The following NFYC variants were observed in gnomAD, a reference collection of about 807,000 sequenced individuals.
NFYC encodes nuclear transcription factor Y subunit gamma, also known as CAAT box DNA-binding protein subunit C.
NFYC carries 25 observed loss-of-function variants against 53.1 expected under a neutral mutation model. The observed-to-expected ratio is 0.47, with a 90% CI of 0.34 to 0.66. NFYC has a LOEUF of 0.66. Ranked by LOEUF, NFYC falls within the 30% of genes least tolerant of loss-of-function variation. The probability of loss-of-function intolerance (pLI) is 0.01; values close to 1 mark genes in which losing one functional copy is unlikely to be tolerated. For missense variants in NFYC, 260 were observed against 422.7 expected, an observed-to-expected ratio of 0.62 and a Z score of 3.38; for synonymous variants, 145 against 152.6, an observed-to-expected ratio of 0.95 and a Z score of 0.37.
chr1:40,712,567 T>G (rs1476613135), intron 1 of NFYC: 2 of 145,044 alleles, frequency 1.4e-5, no homozygotes, highest in Non-Finnish European at 3.0e-5. Flanking sequence ...TTTTTTTTTT[T>G]GTTTGCTTTG....
At chr1:40,702,889 T>C (rs538451501) in intron 1 of NFYC, among the ~76,000 whole-genome samples, 39 of 152,186 alleles carry the variant, frequency 2.6e-4, no homozygotes, top group African/African-American at 9.2e-4. Flanking sequence ...TGATCTCGGC[T>C]CACTGCATCC....
chr1:40,731,974 G>A (rs1644796490), intron 1 of NFYC, among the ~76,000 whole-genome samples: 1 of 152,142 alleles, frequency 6.6e-6, no homozygotes, highest in South Asian at 2.1e-4. Flanking sequence ...TTATATGTTT[G>A]GCTTAAGTTG....
intron 1 of NFYC, among the ~76,000 whole-genome samples, chr1:40,718,938 C>G (rs1377063995): frequency 1.3e-5 from 2 of 152,190 alleles, no homozygotes; most frequent in Non-Finnish European, 2.9e-5. Flanking sequence ...GTGGCACGAT[C>G]TTGGCTCACT....
intron 5 of NFYC, 152 bp from the exon 6 acceptor site, chr1:40,757,969 T>C: frequency 2.5e-6 from 2 of 786,080 alleles, no homozygotes; most frequent in Non-Finnish European, 4.1e-6. Context: ...ACTGGTCTCT[T>C]TGAATTCCAC....
rs184700591 is a variant in NFYC at position 40,738,970 on chromosome 1, T to G, written c.105+22T>G. On this transcript the variant is annotated intron_variant, in intron 2 of 9. Coordinates refer to ENST00000447388, the MANE Select transcript of NFYC (RefSeq NM_014223.5). Reference sequence around the variant, plus strand: ...AGTGGTGAGGAAGAATGAGAAACTTTTATTAGAAACTTTTAAAGAGTATAA... The same window carrying G: ...AGTGGTGAGGAAGAATGAGAAACTTGTATTAGAAACTTTTAAAGAGTATAA... 7 of 1,545,352 alleles carry G rather than the reference T, an allele frequency of 4.5e-6. No homozygotes were observed. In the East Asian group the frequency reaches 1.1e-4, roughly 25 times the overall value.
Position 40,770,684 on chromosome 1 carries a change from ACTCT to A in NFYC, c.889-21_889-18del, listed in dbSNP as rs1331293828. 2 of 1,612,950 alleles carry A rather than the reference ACTCT, an allele frequency of 1.2e-6. No homozygotes were observed. Reference sequence around the variant, plus strand: ...ATGCCCCTCTCCCAGGGATGACCTCACTCTCTCCTCTCCACCCCTCGCAGCAGCT... The same window carrying A: ...ATGCCCCTCTCCCAGGGATGACCTCACTCCTCTCCACCCCTCGCAGCAGCT... On this transcript the variant is annotated intron_variant, in intron 9 of 9. Coordinates refer to ENST00000447388, the MANE Select transcript of NFYC (RefSeq NM_014223.5). This position sits in a 1 kb window ranked among gnomAD's most constrained non-coding sequence, Gnocchi z 5.3.
chr1:40,770,659 A>T lies in NFYC; in HGVS notation c.889-50A>T, dbSNP rs199650560. On this transcript the variant is annotated intron_variant, in intron 9 of 9. Transcript: ENST00000447388. This position sits in a 1 kb window ranked among gnomAD's most constrained non-coding sequence, Gnocchi z 5.3. Reference sequence around the variant, plus strand: ...CAGCTCGAGACCCATAGGGAGCTGCATGCCCCTCTCCCAGGGATGACCTCA... The same window carrying T: ...CAGCTCGAGACCCATAGGGAGCTGCTTGCCCCTCTCCCAGGGATGACCTCA... 1.2e-6 allele frequency: 2 copies of T among 1,614,016 alleles called. No homozygotes were observed. Among genetic ancestry groups the T allele is most frequent in the South Asian group, 2.2e-5 (2 of 91,062 alleles).
At chr1:40,754,862 T>C (rs554240683) in intron 5 of NFYC, among the ~76,000 whole-genome samples, 1 of 152,316 alleles carries the variant, frequency 6.6e-6, no homozygotes, top group South Asian at 2.1e-4. Flanking sequence ...AATGCTATGA[T>C]CCATCTGATT....
chr1:40,713,166 T>C (rs1643998166), intron 1 of NFYC, among the ~76,000 whole-genome samples: 1 of 152,248 alleles, frequency 6.6e-6, no homozygotes, highest in Admixed American at 6.5e-5. Context: ...GCATGCCCAG[T>C]GTCATCTATT....
intron 2 of NFYC, among the ~76,000 whole-genome samples, chr1:40,744,102 T>G (rs1645488260): frequency 6.6e-6 from 1 of 152,136 alleles, no homozygotes; most frequent in Non-Finnish European, 1.5e-5. Flanking sequence ...GAGCAGCCAG[T>G]AAGCAAGCAT....
rs190832207 is a variant in NFYC, at chr1:40,703,232, A to T, written c.-9+11365A>T. ...GGGCTGGGTGCAGTGGCTCACACATACAATCCCAGCATCTTGGGAGGTTGA... is the reference window on the plus strand; with the variant it reads ...GGGCTGGGTGCAGTGGCTCACACATTCAATCCCAGCATCTTGGGAGGTTGA... On this transcript the variant is annotated intron_variant, in intron 1 of 9. Coordinates refer to ENST00000447388, the MANE Select transcript of NFYC (RefSeq NM_014223.5). Among the ~76,000 whole-genome samples the T allele has an allele frequency of 7.2e-5, 11 of 152,118 alleles. No individual in the cohort carries two copies. The East Asian group carries it at 1.9e-3, about 27-fold the overall frequency.
At chr1:40,691,988 G>A in intron 1 of NFYC, 121 bp downstream of exon 1, 1 of 297,134 alleles carries the variant, frequency 3.4e-6, no homozygotes, top group South Asian at 2.4e-5. Flanking sequence ...GCTGTAGCTC[G>A]GTCCGTCCTG....
Position 40,749,676 on chromosome 1 carries a change from G to A in NFYC, c.281G>A (p.Arg94Gln), listed in dbSNP as rs1287759241. 1.2e-6 allele frequency: 2 copies of A among 1,613,758 alleles called. No individual in the cohort carries two copies. Among genetic ancestry groups the A allele is most frequent in the South Asian group, 1.1e-5 (1 of 91,086 alleles). Residue 94 changes from arginine to glutamine, a missense_variant, in exon 4 of 10, where the codon CGG (arginine) becomes CAG (glutamine). Transcript: ENST00000447388. ...ATTCACACAGAAGATAACAAGCGCC[G>A]GACTCTACAGGTATTATTGCAGACT... is the stretch of plus-strand genomic sequence containing the variant. ...AWIHTEDNKR[R>Q]TLQRNDIAMA... is the part of the protein sequence containing the mutation.
intron 9 of NFYC, among the ~76,000 whole-genome samples, chr1:40,769,617 TA>T (rs1363290264): frequency 1.3e-5 from 2 of 152,210 alleles, no homozygotes; most frequent in Non-Finnish European, 2.9e-5. Context: ...AAAATAATCT[TA>T]GACATGTAGC....
intron 8 of NFYC, chr1:40,768,954 C>G (rs1362251162): frequency 6.0e-6 from 1 of 167,344 alleles, no homozygotes; most frequent in African/African-American, 2.4e-5. Context: ...AGGCCACTTA[C>G]CACTTTGTCT....
intron 1 of NFYC, among the ~76,000 whole-genome samples, chr1:40,730,908 A>G (rs1644739762): frequency 6.6e-6 from 1 of 152,216 alleles, no homozygotes; most frequent in Non-Finnish European, 1.5e-5. Flanking sequence ...TGAAGAAAAA[A>G]GAAACCAGTT....
intron 1 of NFYC, among the ~76,000 whole-genome samples, chr1:40,705,255 C>T (rs1283425597): frequency 1.7e-4 from 26 of 152,182 alleles, no homozygotes; most frequent in Non-Finnish European, 1.5e-5. Context: ...TAGTAATCAG[C>T]GAGGTTGTGA....
intron 6 of NFYC, among the ~76,000 whole-genome samples, chr1:40,762,509 CT>C (rs1454474288): frequency 6.6e-6 from 1 of 152,208 alleles, no homozygotes; most frequent in African/African-American, 2.4e-5. Flanking sequence ...CCAAATTCAC[CT>C]GCCCCAGACT....
chr1:40,758,069 G>A (rs1158990023), intron 5 of NFYC, 52 bp from the exon 6 acceptor site: 9 of 1,597,682 alleles, frequency 5.6e-6, no homozygotes, highest in Admixed American at 1.7e-5. Flanking sequence ...TCACTGTGGC[G>A]GCTGCTGAGT....
Sources: allele counts gnomAD v4.1 joint callset (sites outside exome capture counted in the v4.1 genomes callset), GRCh38; gene constraint gnomAD v4.1.1; non-coding constraint Gnocchi (gnomAD v3.1); transcripts MANE v1.5; gene names NCBI Gene and HGNC (gene_info 2026-07-23, HGNC 2026-07-21).